CLEC3A: variants seen among roughly 807,000 people sequenced by gnomAD.
CLEC3A encodes C-type (calcium dependent, carbohydrate-recognition domain) lectin, superfamily member 1 (cartilage-derived).
CLEC3A carries 28 observed loss-of-function variants against 20.4 expected under a neutral mutation model. The observed-to-expected ratio is 1.37, with a 90% CI of 1.02 to 1.88. The LOEUF is 1.88. Among genes scored for constraint, CLEC3A ranks in the 40% most tolerant of loss-of-function variants. The pLI is 0.00. For synonymous variants in CLEC3A, 110 were observed against 88.1 expected (o/e 1.25, Z -1.39); for missense variants, 357 against 240.4 (o/e 1.48, Z -3.21).
Position 78,030,531 on chromosome 16 carries a change from G to C in CLEC3A, c.284G>C (p.Cys95Ser). 1 of 1,614,168 alleles carries C rather than the reference G, an allele frequency of 6.2e-7. No individual in the cohort carries two copies. The highest frequency in any genetic ancestry group is 8.5e-7 in the Non-Finnish European group (1 of 1,180,040). The change falls in exon 3 of 3, where the codon TGC becomes TCC. Residue 95 changes from cysteine (C) to serine (S), a missense_variant. By Grantham distance (112) the Cys-to-Ser change is moderately radical. Coordinates refer to ENST00000299642, the MANE Select transcript of CLEC3A (RefSeq NM_005752.6). ...LKHFHEANED[C>S]ISKGGILVIP... is the part of the protein sequence containing the mutation. The stretch of plus-strand genomic sequence containing the variant: ...CATTTCCATGAGGCCAATGAAGACT[G>C]CATTTCCAAAGGAGGAATCCTGGTT...
chr16:78,023,445 G>A (rs555388747), intron 1 of CLEC3A, among the ~76,000 whole-genome samples: 1 of 152,172 alleles, frequency 6.6e-6, no homozygotes, highest in South Asian at 2.1e-4. Context: ...TAAAGAAATT[G>A]AAAAGAACAA....
At chr16:78,023,511 G>C (rs1193420384) in intron 1 of CLEC3A, among the ~76,000 whole-genome samples, 1 of 152,074 alleles carries the variant, frequency 6.6e-6, no homozygotes, top group African/African-American at 2.4e-5. Context: ...AAAAAAACAA[G>C]ACAGAGGGTC....
At chr16:78,025,022 G>C (rs1036447303) in intron 1 of CLEC3A, among the ~76,000 whole-genome samples, 6 of 152,150 alleles carry the variant, frequency 3.9e-5, no homozygotes, top group African/African-American at 1.4e-4. Context: ...TTTTAGTATA[G>C]ATGGGGTTTC....
rs547855435 is a variant in CLEC3A, at chr16:78,030,179, G to A, written c.200-268G>A. 5.4e-5 allele frequency among the ~76,000 whole-genome samples: 8 copies of A among 148,434 alleles called. 1 individual carries two copies. The highest frequency in any genetic ancestry group is 2.0e-4 in the Admixed American group (3 of 14,904). ...AAAAAAAAAAAAAAAAAATGCTAAG[G>A]TGTTACAAGTAACAACTTCTCTAAG... On this transcript the variant is annotated intron_variant, in intron 2 of 2. Coordinates refer to ENST00000299642, the MANE Select transcript of CLEC3A (RefSeq NM_005752.6).
rs1383223747 is a variant in CLEC3A, at chr16:78,030,529, C to G, written c.282C>G (p.Asp94Glu). The change falls in exon 3 of 3, where the codon GAC becomes GAG. Residue 94 changes from aspartate (D) to glutamate (E), a missense_variant. Physicochemically the swap from Asp to Glu is conservative, Grantham distance 45. Coordinates refer to ENST00000299642, the MANE Select transcript of CLEC3A (RefSeq NM_005752.6). ...GLKHFHEANE[D>E]CISKGGILVI... is the part of the protein sequence containing the mutation. ...AGCATTTCCATGAGGCCAATGAAGA[C>G]TGCATTTCCAAAGGAGGAATCCTGG... 1 of 1,614,168 alleles carries G rather than the reference C, an allele frequency of 6.2e-7. No individual in the cohort carries two copies. Among genetic ancestry groups the G allele is most frequent in the Non-Finnish European group, 8.5e-7 (1 of 1,180,028 alleles).
In CLEC3A at chr16:78,028,156, C is replaced by T. The variant is rs1255243634; in HGVS notation, c.165C>T (p.Val55=). 4 of 1,611,252 alleles carry T rather than the reference C, an allele frequency of 2.5e-6. No homozygotes were observed. In the South Asian group the frequency reaches 4.4e-5, roughly 18 times the overall value. ...KTQIEKLWTE[V]NALKEIQALQ... ...AAATTGAAAAGCTCTGGACAGAAGTCAATGCCTTGAAGGAAATTCAAGCCC... is the reference window on the plus strand; with the variant it reads ...AAATTGAAAAGCTCTGGACAGAAGTTAATGCCTTGAAGGAAATTCAAGCCC... The change falls in exon 2 of 3, where the codon GTC becomes GTT. Residue 55 remains valine, a synonymous_variant. Coordinates refer to ENST00000299642, the MANE Select transcript of CLEC3A (RefSeq NM_005752.6).
chr16:78,022,753 T>C lies in CLEC3A; in HGVS notation c.115+12T>C. The C allele has an allele frequency of 6.2e-7, 1 of 1,612,710 alleles. No individual in the cohort carries two copies. Among genetic ancestry groups the C allele is most frequent in the Non-Finnish European group, 8.5e-7 (1 of 1,179,882 alleles). ...ACGTCGAGTGAGAGGTAATGGGGCTTCTCAATCAAGCAAAATTCTAGGCTT... is the reference window on the plus strand; with the variant it reads ...ACGTCGAGTGAGAGGTAATGGGGCTCCTCAATCAAGCAAAATTCTAGGCTT... On this transcript the variant is annotated intron_variant, in intron 1 of 2. Coordinates refer to ENST00000299642, the MANE Select transcript of CLEC3A (RefSeq NM_005752.6).
rs1366802764 is a variant in CLEC3A, at chr16:78,030,987, A to G, written c.*146A>G. On this transcript the variant is annotated 3_prime_UTR_variant, in exon 3 of 3. Coordinates refer to ENST00000299642, the MANE Select transcript of CLEC3A (RefSeq NM_005752.6). ...CATAGCAATATGATAGCATCAGCCAATTTTGCTAACACATTTCTTTGGGAT... is the reference window on the plus strand; with the variant it reads ...CATAGCAATATGATAGCATCAGCCAGTTTTGCTAACACATTTCTTTGGGAT... The G allele has an allele frequency of 2.3e-6, 2 of 880,846 alleles. No individual in the cohort carries two copies. Among genetic ancestry groups the G allele is most frequent in the East Asian group, 5.5e-5 (2 of 36,602 alleles). The allele number at this position is 880,846 out of a possible 1,614,324, so 54.6% of individuals were successfully genotyped here. A position where few individuals can be genotyped will look rare whatever the true frequency, so the allele number is the denominator to read the frequency against.
intron 1 of CLEC3A, among the ~76,000 whole-genome samples, chr16:78,025,637 T>G (rs1182597938): frequency 6.6e-6 from 1 of 152,200 alleles, no homozygotes; most frequent in Non-Finnish European, 1.5e-5. Context: ...GGACTCAAAA[T>G]AGCAACCGAA....
At chr16:78,027,483 G>A (rs2029960856) in intron 1 of CLEC3A, among the ~76,000 whole-genome samples, 2 of 152,162 alleles carry the variant, frequency 1.3e-5, no homozygotes, top group African/African-American at 4.8e-5. Context: ...AGATGACCCT[G>A]AAAGTCAACA....
chr16:78,026,270 G>A (rs929276420), intron 1 of CLEC3A, among the ~76,000 whole-genome samples: 4 of 152,186 alleles, frequency 2.6e-5, no homozygotes, highest in African/African-American at 9.7e-5. Flanking sequence ...ACATGTTTAA[G>A]GGGACAGTGA....
intron 2 of CLEC3A, among the ~76,000 whole-genome samples, chr16:78,030,010 G>A (rs929482479): frequency 3.3e-5 from 5 of 151,950 alleles, no homozygotes; most frequent in South Asian, 2.1e-4. Flanking sequence ...AAAATTAGCC[G>A]AGTGTGGTGG....
chr16:78,023,559 G>T (rs1007124391), intron 1 of CLEC3A, among the ~76,000 whole-genome samples: 2 of 152,088 alleles, frequency 1.3e-5, no homozygotes, highest in African/African-American at 4.8e-5. Context: ...TTCATTTCAG[G>T]ATATTTCAGA....
rs776071411 is a variant in CLEC3A, at chr16:78,030,545, G to C, written c.298G>C (p.Gly100Arg). ...CAATGAAGACTGCATTTCCAAAGGAGGAATCCTGGTTATCCCCAGGAACTC... is the reference window on the plus strand; with the variant it reads ...CAATGAAGACTGCATTTCCAAAGGACGAATCCTGGTTATCCCCAGGAACTC... ...EANEDCISKG[G>R]ILVIPRNSDE... is the part of the protein sequence containing the mutation. Residue 100 changes from glycine to arginine, a missense_variant, in exon 3 of 3, where the codon GGA becomes CGA. Gly to Arg is a moderately radical substitution (Grantham distance 125). Transcript: ENST00000299642. 6.2e-7 allele frequency: 1 copy of C among 1,614,160 alleles called. No homozygotes were observed. Among genetic ancestry groups the C allele is most frequent in the Non-Finnish European group, 8.5e-7 (1 of 1,180,034 alleles).
At chr16:78,023,949 A>T (rs1287751899) in intron 1 of CLEC3A, among the ~76,000 whole-genome samples, 1 of 151,644 alleles carries the variant, frequency 6.6e-6, no homozygotes, top group Non-Finnish European at 1.5e-5. Context: ...AGTAGAGACG[A>T]GGTTTCGCCG....
intron 2 of CLEC3A, chr16:78,029,268 T>G: frequency 2.8e-6 from 1 of 363,456 alleles, no homozygotes; most frequent in Non-Finnish European, 5.3e-6. Flanking sequence ...ATCTTTATGC[T>G]CAGTTTATCC....
Position 78,030,765 on chromosome 16 carries a change from C to A in CLEC3A, c.518C>A (p.Ser173Ter). The A allele has an allele frequency of 6.2e-7, 1 of 1,614,182 alleles. No homozygotes were observed. Among genetic ancestry groups the A allele is most frequent in the Non-Finnish European group, 8.5e-7 (1 of 1,180,014 alleles). ...GAAAACTGTGTCCTGTTCTCCCAATCAGCTCAGGGCAAGTGGAGTGATGAG... is the reference window on the plus strand; with the variant it reads ...GAAAACTGTGTCCTGTTCTCCCAATAAGCTCAGGGCAAGTGGAGTGATGAG... ...KRENCVLFSQ[S>*]AQGKWSDEAC... Residue 173 changes from serine to a stop codon, truncating the protein, a stop_gained, in exon 3 of 3, where the codon TCA becomes TAA. Coordinates refer to ENST00000299642, the MANE Select transcript of CLEC3A (RefSeq NM_005752.6). LOFTEE classifies it high-confidence loss of function.
chr16:78,030,864 A>C lies in CLEC3A; in HGVS notation c.*23A>C. 6.3e-7 allele frequency: 1 copy of C among 1,579,668 alleles called. No individual in the cohort carries two copies. Among genetic ancestry groups the C allele is most frequent in the Non-Finnish European group, 8.6e-7 (1 of 1,163,130 alleles). On this transcript the variant is annotated 3_prime_UTR_variant, in exon 3 of 3. Transcript: ENST00000299642. ...TAGGTCTTTCTCCAATGTGTCCTCCAAGCAAGATTCATCATAACTTATAGG... is the reference window on the plus strand; with the variant it reads ...TAGGTCTTTCTCCAATGTGTCCTCCCAGCAAGATTCATCATAACTTATAGG...
chr16:78,028,038 A>T, intron 1 of CLEC3A, 69 bp from the exon 2 acceptor site: 1 of 1,115,662 alleles, frequency 9.0e-7, no homozygotes, highest in Non-Finnish European at 1.3e-6. Context: ...CTACATTCCA[A>T]AGCTTGATTT....
Sources: allele counts gnomAD v4.1 joint callset (sites outside exome capture counted in the v4.1 genomes callset), GRCh38; gene constraint gnomAD v4.1.1; transcripts MANE v1.5; gene names NCBI Gene and HGNC (gene_info 2026-07-23, HGNC 2026-07-21).